Variants in HEMK2 observed in about 807,000 individuals in gnomAD.
HEMK2 encodes the protein HemK methyltransferase 2, ETF1 glutamine and histone H4 lysine, also known as methyltransferase HEMK2.
At chr21:28,588,393 T>G in the HEMK2 span, among the ~76,000 whole-genome samples, 1 of 152,158 alleles carries the variant, frequency 6.6e-6, no homozygotes, top group African/African-American at 2.4e-5. Flanking sequence ...TACACATCTT[T>G]TCTGTGACCC....
At chr21:28,748,522 G>T in the HEMK2 span, among the ~76,000 whole-genome samples, 1 of 152,170 alleles carries the variant, frequency 6.6e-6, no homozygotes, top group African/African-American at 2.4e-5. Flanking sequence ...ACTTGGGCTT[G>T]ATTCTTTCCC....
At chr21:28,710,780 G>T in the HEMK2 span, among the ~76,000 whole-genome samples, 2 of 152,134 alleles carry the variant, frequency 1.3e-5, no homozygotes, top group Non-Finnish European at 2.9e-5. Context: ...CTGTCTCAAT[G>T]AATATGCTTC....
the HEMK2 span, among the ~76,000 whole-genome samples, chr21:28,884,933 T>C: frequency 4.3e-3 from 655 of 152,314 alleles, 3 homozygotes; most frequent in African/African-American, 0.015. Context: ...GTTCTTCAGA[T>C]TAACAGGCGA....
the HEMK2 span, chr21:28,577,144 GCCACTTA>G: frequency 6.6e-6 from 1 of 152,182 alleles, no homozygotes; most frequent in African/African-American, 2.4e-5. Flanking sequence ...GTTGACTGGA[GCCACTTA>G]CCTTAATAGA....
chr21:28,834,955 A>C, the HEMK2 span, among the ~76,000 whole-genome samples: 2 of 151,976 alleles, frequency 1.3e-5, no homozygotes, highest in Non-Finnish European at 2.9e-5. Context: ...TGGCCTGGGA[A>C]TCTCACCCCC....
chr21:28,692,860 T>G, the HEMK2 span, among the ~76,000 whole-genome samples: 1 of 152,158 alleles, frequency 6.6e-6, no homozygotes, highest in Non-Finnish European at 1.5e-5. Context: ...TGATGAACTT[T>G]GAAAACATTA....
the HEMK2 span, among the ~76,000 whole-genome samples, chr21:28,657,050 C>T: frequency 6.6e-6 from 1 of 152,026 alleles, no homozygotes; most frequent in Admixed American, 6.6e-5. Context: ...ACATTTCTTG[C>T]TGATCATTTT....
chr21:28,801,385 CT>C, the HEMK2 span, among the ~76,000 whole-genome samples: 1 of 151,962 alleles, frequency 6.6e-6, no homozygotes, highest in Non-Finnish European at 1.5e-5. Flanking sequence ...TATAAACATT[CT>C]TTTTTTAAAA....
the HEMK2 span, among the ~76,000 whole-genome samples, chr21:28,723,681 A>G: frequency 6.6e-6 from 1 of 152,324 alleles, no homozygotes; most frequent in East Asian, 1.9e-4. Context: ...TAAGATGTTG[A>G]TAATCATCCC....
chr21:28,653,273 C>T, the HEMK2 span, among the ~76,000 whole-genome samples: 1 of 150,766 alleles, frequency 6.6e-6, no homozygotes, highest in East Asian at 1.9e-4. Flanking sequence ...GCTTGTTTAA[C>T]ATTCTCCAAT....
chr21:28,863,410 TTATATATATA>T, the HEMK2 span, among the ~76,000 whole-genome samples: 150 of 38,914 alleles, frequency 3.9e-3, 2 homozygotes, highest in East Asian at 7.5e-3. Flanking sequence ...AAACTCCCTT[TTATATATATA>T]TATATATATA....
At chr21:28,665,642 T>G in the HEMK2 span, among the ~76,000 whole-genome samples, 1 of 151,764 alleles carries the variant, frequency 6.6e-6, no homozygotes, top group Non-Finnish European at 1.5e-5. Context: ...TTGGTGGGAC[T>G]GTAAACTAGT....
chr21:28,814,173 G>T, the HEMK2 span, among the ~76,000 whole-genome samples: 2 of 152,066 alleles, frequency 1.3e-5, no homozygotes, highest in African/African-American at 4.8e-5. Flanking sequence ...GGAGGCAGAG[G>T]TTGCAGTGAG....
chr21:28,757,906 A>G, the HEMK2 span, among the ~76,000 whole-genome samples: 1 of 152,204 alleles, frequency 6.6e-6, no homozygotes, highest in Non-Finnish European at 1.5e-5. Context: ...GCTATGCATT[A>G]GGAATGAATT....
the HEMK2 span, among the ~76,000 whole-genome samples, chr21:28,671,875 T>C: frequency 1.3e-5 from 2 of 152,176 alleles, no homozygotes; most frequent in African/African-American, 4.8e-5. Context: ...ATAGCACTAA[T>C]ATTCACAATT....
chr21:28,623,268 T>G, the HEMK2 span, among the ~76,000 whole-genome samples: 1 of 152,064 alleles, frequency 6.6e-6, no homozygotes, highest in Non-Finnish European at 1.5e-5. Flanking sequence ...GAAATGCAAA[T>G]CAAAACCACA....
At chr21:28,879,981 T>G in the HEMK2 span, 1 of 1,452,902 alleles carries the variant, frequency 6.9e-7, no homozygotes, top group Non-Finnish European at 9.4e-7. Flanking sequence ...CAGTAAGAAT[T>G]TTACATTAAA....
the HEMK2 span, among the ~76,000 whole-genome samples, chr21:28,833,245 A>G: frequency 6.6e-6 from 1 of 152,208 alleles, no homozygotes; most frequent in Admixed American, 6.5e-5. Flanking sequence ...AAGAAATAAA[A>G]CCGCACAGAA....
the HEMK2 span, among the ~76,000 whole-genome samples, chr21:28,711,286 A>C: frequency 6.6e-6 from 1 of 152,178 alleles, no homozygotes; most frequent in South Asian, 2.1e-4. Flanking sequence ...TATTCTATCT[A>C]TATGAGGGCT....
Sources: gnomAD v4.1 joint callset for allele counts (sites outside exome capture counted in the v4.1 genomes callset) on GRCh38, gnomAD v4.1.1 for gene constraint, MANE v1.5 for transcripts, NCBI Gene and HGNC (gene_info 2026-07-23, HGNC 2026-07-21) for gene names.